Variants in AUNIP observed in about 807,000 individuals in gnomAD.
The protein encoded by AUNIP is aurora kinase A- and ninein-interacting protein.
A neutral mutation model predicts 12.2 loss-of-function variants in AUNIP; 16 were observed. The ratio of observed to expected loss-of-function variants is 1.31; its 90% CI spans 0.88 to 1.99. The LOEUF (loss-of-function observed/expected upper bound fraction) is 1.99. Among genes scored for constraint, AUNIP ranks in the 30% most tolerant of loss-of-function variants. AUNIP has a pLI of 0.00. For synonymous variants in AUNIP, 142 were observed against 154.8 expected, an observed-to-expected ratio of 0.92 and a Z score of 0.61; for missense variants, 411 against 419.1, an observed-to-expected ratio of 0.98 and a Z score of 0.17.
chr1:25,857,008 C>T lies in AUNIP; in HGVS notation c.78+2272G>A, dbSNP rs910116597. Among the ~76,000 whole-genome samples the T allele has an allele frequency of 2.0e-5, 3 of 151,838 alleles. No homozygotes were observed. The East Asian group carries it at 5.8e-4, about 29-fold the overall frequency. ...CACTATGCCTGTAGTCCCAGCTACT[C>T]GGGAGGATGAGGCAAGAGGATCACC... On this transcript the variant is annotated intron_variant, in intron 1 of 2. Transcript: ENST00000374298.
chr1:25,842,417 A>T (rs2048352979), intron 1 of AUNIP, among the ~76,000 whole-genome samples: 1 of 152,252 alleles, frequency 6.6e-6, no homozygotes, highest in Non-Finnish European at 1.5e-5. Flanking sequence ...AGGCTGGTTC[A>T]TGAGGTTGAA....
chr1:25,842,791 G>A (rs1451799669), intron 1 of AUNIP, among the ~76,000 whole-genome samples: 1 of 152,128 alleles, frequency 6.6e-6, no homozygotes, highest in Non-Finnish European at 1.5e-5. Flanking sequence ...GAACAACAAA[G>A]CCTGGATGAC....
intron 1 of AUNIP, among the ~76,000 whole-genome samples, chr1:25,838,221 A>G (rs1171006033): frequency 6.7e-6 from 1 of 148,552 alleles, no homozygotes; most frequent in African/African-American, 2.5e-5. Flanking sequence ...AAAATTTAGT[A>G]AGGCCAGGCG....
At chr1:25,857,991 A>C (rs984505199) in intron 1 of AUNIP, among the ~76,000 whole-genome samples, 3 of 149,886 alleles carry the variant, frequency 2.0e-5, no homozygotes, top group African/African-American at 7.4e-5. Context: ...CACGGTGAAA[A>C]CCTGTCTCTA....
Position 25,834,634 on chromosome 1 carries a change from A to C in AUNIP, c.*359T>G, listed in dbSNP as rs1553123188. The C allele has an allele frequency of 3.1e-6, 3 of 978,946 alleles. No individual in the cohort carries two copies. The highest frequency in any genetic ancestry group is 1.8e-5 in the African/African-American group (1 of 56,520). The allele number at this position is 978,946 out of a possible 1,614,324, so 60.6% of individuals were successfully genotyped here. A position where few individuals can be genotyped will look rare whatever the true frequency, so the allele number is the denominator to read the frequency against. ...CCATCTCAAAAAAAAAAAAAAAAAAACACATCCATAAGCAAGGTCCCAGTC... is the reference window on the plus strand; with the variant it reads ...CCATCTCAAAAAAAAAAAAAAAAAACCACATCCATAAGCAAGGTCCCAGTC... On this transcript the variant is annotated 3_prime_UTR_variant, in exon 3 of 3. Coordinates refer to ENST00000374298, the MANE Select transcript of AUNIP (RefSeq NM_024037.3).
intron 1 of AUNIP, among the ~76,000 whole-genome samples, chr1:25,841,507 A>T (rs1232177767): frequency 6.6e-6 from 1 of 150,552 alleles, no homozygotes; most frequent in Non-Finnish European, 1.5e-5. Context: ...AAACTTTTTC[A>T]TTATTGTATC....
At chr1:25,841,909 ATGT>A (rs1179203453) in intron 1 of AUNIP, among the ~76,000 whole-genome samples, 2 of 152,134 alleles carry the variant, frequency 1.3e-5, no homozygotes, top group East Asian at 3.8e-4. Context: ...TCATCAATAA[ATGT>A]TGTGCATGTT....
chr1:25,849,683 G>A (rs1462429748), intron 1 of AUNIP, among the ~76,000 whole-genome samples: 3 of 152,144 alleles, frequency 2.0e-5, no homozygotes, highest in African/African-American at 7.2e-5. Flanking sequence ...ACCTAGGCTG[G>A]AGTGCAGCTA....
In AUNIP at chr1:25,835,474, C is replaced by T. The variant is rs375061396; in HGVS notation, c.593G>A (p.Trp198Ter). 6.2e-7 allele frequency: 1 copy of T among 1,614,134 alleles called. No homozygotes were observed. Among genetic ancestry groups the T allele is most frequent in the Non-Finnish European group, 8.5e-7 (1 of 1,180,054 alleles). The change falls in exon 3 of 3, where the codon TGG becomes TAG. Residue 198 changes from tryptophan to a stop codon, truncating the protein, a stop_gained. Transcript: ENST00000374298. LOFTEE classifies it low-confidence loss of function (END_TRUNC). ...CTTCTTAGACTCATGAAGCCATTCC[C>T]ATTTCCTGGCAGAATCCCCTTTTTC... Reference protein sequence around the residue: ...KEEKGDSARKWEWLHESKKNY... With the variant: ...KEEKGDSARK
Position 25,848,566 on chromosome 1 carries a change from T to C in AUNIP, c.78+10714A>G, listed in dbSNP as rs568727351. The stretch of plus-strand genomic sequence containing the variant: ...AGAGATAATCTCTAAATCCTTGGAA[T>C]GTCCCACCTGATAGGAGTGTTTTGT... On this transcript the variant is annotated intron_variant, in intron 1 of 2. Coordinates refer to ENST00000374298, the MANE Select transcript of AUNIP (RefSeq NM_024037.3). Among the ~76,000 whole-genome samples the C allele has an allele frequency of 3.3e-5, 5 of 151,766 alleles. No individual in the cohort carries two copies. In the East Asian group the frequency reaches 9.7e-4, roughly 29 times the overall value.
At chr1:25,845,559 C>G (rs1314714647) in intron 1 of AUNIP, among the ~76,000 whole-genome samples, 2 of 152,188 alleles carry the variant, frequency 1.3e-5, no homozygotes, top group African/African-American at 4.8e-5. Context: ...GTGGTCTCTT[C>G]CTCTTCTGAA....
At chr1:25,845,024 C>T (rs533137804) in intron 1 of AUNIP, among the ~76,000 whole-genome samples, 1 of 152,184 alleles carries the variant, frequency 6.6e-6, no homozygotes, top group Non-Finnish European at 1.5e-5. Flanking sequence ...TTATACATCT[C>T]CAACAACTTA....
chr1:25,857,210 T>A (rs546567740), intron 1 of AUNIP, among the ~76,000 whole-genome samples: 33 of 151,802 alleles, frequency 2.2e-4, no homozygotes, highest in Middle Eastern at 3.4e-3. Flanking sequence ...GGCTTATTCC[T>A]AATTCAAGGA....
chr1:25,850,335 G>A (rs573929942), intron 1 of AUNIP, among the ~76,000 whole-genome samples: 7 of 152,226 alleles, frequency 4.6e-5, no homozygotes, highest in African/African-American at 1.7e-4. Context: ...CTTAAGTACT[G>A]TAACTGTATA....
At position 25,847,329 on chromosome 1, in the gene AUNIP, T is replaced by C. The variant is rs112793032; in HGVS notation, c.79-9775A>G. Among the ~76,000 whole-genome samples the C allele has an allele frequency of 0.026, 3,983 of 152,250 alleles. 174 individuals carry two copies. The highest frequency in any genetic ancestry group is 0.09 in the African/African-American group (3,737 of 41,542). ...GAGGCTGGACTGCAGTAGCGCGATA[T>C]TGGCTCACCACAACCTCTGCTTCCT... On this transcript the variant is annotated intron_variant, in intron 1 of 2. Coordinates refer to ENST00000374298, the MANE Select transcript of AUNIP (RefSeq NM_024037.3). This position sits in a 1 kb window ranked among gnomAD's most constrained non-coding sequence, Gnocchi z 4.2.
intron 1 of AUNIP, among the ~76,000 whole-genome samples, chr1:25,846,148 G>A (rs769626972): frequency 9.9e-5 from 15 of 152,136 alleles, no homozygotes; most frequent in South Asian, 4.1e-4. Context: ...GGCCGGGTGC[G>A]GCGGCTCACG....
chr1:25,835,506 T>C lies in AUNIP; in HGVS notation c.561A>G (p.Arg187=). Residue 187 remains arginine, a synonymous_variant, in exon 3 of 3, where the codon CGA becomes CGG. Coordinates refer to ENST00000374298, the MANE Select transcript of AUNIP (RefSeq NM_024037.3). ...EDLESSCLLD[R]KEEKGDSARK... ...TGGCAGAATCCCCTTTTTCTTCCTT[T>C]CGGTCTAGCAAACAAGAACTTTCCA... 1 of 1,614,254 alleles carries C rather than the reference T, an allele frequency of 6.2e-7. No individual in the cohort carries two copies. Among genetic ancestry groups the C allele is most frequent in the South Asian group, 1.1e-5 (1 of 91,088 alleles).
chr1:25,832,212 G>A, downstream of AUNIP: 1 of 1,510,950 alleles, frequency 6.6e-7, no homozygotes, highest in South Asian at 1.2e-5. Flanking sequence ...CCTAGCAGAA[G>A]CTAAGGCTTG....
rs769525747 is a variant in AUNIP, at chr1:25,843,594, G to GAAAA, written c.79-6044_79-6041dup. 6.9e-4 allele frequency among the ~76,000 whole-genome samples: 22 copies of GAAAA among 31,890 alleles called. 1 individual carries two copies. Among genetic ancestry groups the GAAAA allele is most frequent in the Non-Finnish European group, 1.2e-3 (17 of 14,676 alleles). 20.9% of individuals were successfully genotyped at this position (31,890 alleles called of 152,430 possible). A position where few individuals can be genotyped will look rare whatever the true frequency, so the allele number is the denominator to read the frequency against. On this transcript the variant is annotated intron_variant, in intron 1 of 2. Transcript: ENST00000374298. Reference sequence around the variant, plus strand: ...CAAAATAGTGAGCTCCTGTCTGTTTGAAAAAAAAAAAAAAAAAAAAAAAAA... The same window carrying GAAAA: ...CAAAATAGTGAGCTCCTGTCTGTTTGAAAAAAAAAAAAAAAAAAAAAAAAAAAAA...
Sources: gnomAD v4.1 joint callset for allele counts (sites outside exome capture counted in the v4.1 genomes callset) on GRCh38, gnomAD v4.1.1 for gene constraint, Gnocchi (gnomAD v3.1) non-coding constraint, MANE v1.5 for transcripts, NCBI Gene and HGNC (gene_info 2026-07-23, HGNC 2026-07-21) for gene names.